The following SOX5 variants were observed in gnomAD, a reference collection of about 807,000 sequenced individuals.
SOX5 encodes the protein SRY-box transcription factor 5, also known as transcription factor SOX-5.
Under a neutral mutation model 92.0 loss-of-function variants are expected in SOX5, and 9 were observed. That is an observed-to-expected ratio of 0.10 (90% CI 0.06 to 0.17). The LOEUF is 0.17. SOX5 is among the 10% of genes least tolerant of loss of function. The pLI is 1.00. For synonymous variants in SOX5, 344 were observed against 336.3 expected (o/e 1.02, Z -0.25); for missense variants, 642 against 944.5 (o/e 0.68, Z 4.20).
intron 4 of SOX5, among the ~76,000 whole-genome samples, chr12:24,205,464 A>G: frequency 6.6e-6 from 1 of 152,216 alleles, no homozygotes; most frequent in East Asian, 1.9e-4. Flanking sequence ...AGATGAGGAA[A>G]CAAAGGCTTG....
At chr12:24,179,752 T>C (rs1346043955) in intron 4 of SOX5, among the ~76,000 whole-genome samples, 4 of 152,124 alleles carry the variant, frequency 2.6e-5, no homozygotes, top group Non-Finnish European at 5.9e-5. Context: ...GCTATGGTGT[T>C]CATAGGTTAG....
chr12:24,104,942 T>C lies in SOX5; in HGVS notation c.-2+108401A>G, dbSNP rs139741230. Among the ~76,000 whole-genome samples, 99 of 152,368 alleles carry C rather than the reference T, an allele frequency of 6.5e-4. 1 individual carries two copies. Among genetic ancestry groups the C allele is most frequent in the African/African-American group, 2.3e-3 (96 of 41,594 alleles). ...GCATATAGTCCTGTCAGGTTTGAAATATTATTTTGAATTATTCAGATCATT... is the reference window on the plus strand; with the variant it reads ...GCATATAGTCCTGTCAGGTTTGAAACATTATTTTGAATTATTCAGATCATT... On this transcript the variant is annotated intron_variant, in intron 4 of 4. Coordinates refer to the SOX5 transcript ENST00000446891.
At chr12:24,311,911 A>C (rs1184082266) in intron 2 of SOX5, among the ~76,000 whole-genome samples, 1 of 152,206 alleles carries the variant, frequency 6.6e-6, no homozygotes, top group African/African-American at 2.4e-5. Flanking sequence ...GCTTCATCCT[A>C]GGCAAATATT....
At chr12:24,485,963 G>A (rs1196199192) in intron 1 of SOX5, among the ~76,000 whole-genome samples, 1 of 152,070 alleles carries the variant, frequency 6.6e-6, no homozygotes, top group Non-Finnish European at 1.5e-5. Context: ...TGTTGTTGCT[G>A]CTGCTGCTGT....
At chr12:23,562,167 T>C (rs1337345294) in intron 11 of SOX5, among the ~76,000 whole-genome samples, 3 of 152,176 alleles carry the variant, frequency 2.0e-5, no homozygotes, top group African/African-American at 2.4e-5. Context: ...ACGTCTTATG[T>C]TGTAACACTG....
chr12:24,451,839 C>T (rs942586795), intron 1 of SOX5, among the ~76,000 whole-genome samples: 2 of 152,120 alleles, frequency 1.3e-5, no homozygotes, highest in African/African-American at 4.8e-5. Flanking sequence ...TGGCATGATG[C>T]CTGGGACGCT....
At chr12:24,152,352 C>A (rs575642624) in intron 4 of SOX5, among the ~76,000 whole-genome samples, 1 of 152,042 alleles carries the variant, frequency 6.6e-6, no homozygotes, top group African/African-American at 2.4e-5. Flanking sequence ...AGTTTTTATC[C>A]GGTAGGTTTT....
At chr12:23,688,577 C>T (rs2088094689) in intron 6 of SOX5, among the ~76,000 whole-genome samples, 1 of 152,016 alleles carries the variant, frequency 6.6e-6, no homozygotes, top group Non-Finnish European at 1.5e-5. Flanking sequence ...TCCTATGCCT[C>T]ACTTACATTC....
At chr12:24,082,776 A>T (rs541626414) in intron 4 of SOX5, among the ~76,000 whole-genome samples, 2 of 151,788 alleles carry the variant, frequency 1.3e-5, no homozygotes, top group Non-Finnish European at 2.9e-5. Flanking sequence ...TCTTTAATTC[A>T]GGTCATAGTT....
intron 6 of SOX5, among the ~76,000 whole-genome samples, chr12:23,695,809 C>T (rs547497648): frequency 1.6e-4 from 24 of 151,392 alleles, no homozygotes; most frequent in South Asian, 6.3e-4. Flanking sequence ...GGCCCGGTGG[C>T]GGGCGCCTAT....
intron 3 of SOX5, among the ~76,000 whole-genome samples, chr12:23,812,401 G>T (rs754718861): frequency 6.6e-6 from 1 of 151,930 alleles, no homozygotes; most frequent in Non-Finnish European, 1.5e-5. Context: ...GTCAAAATAT[G>T]TCTATCAGTA....
rs188250891 is a variant in SOX5, at chr12:24,190,296, C to T, written c.-2+23047G>A. Reference sequence around the variant, plus strand: ...CAAACTCCAGAATGTCACTTTTGGACGCATACATATATATGTTTAAAGATG... The same window carrying T: ...CAAACTCCAGAATGTCACTTTTGGATGCATACATATATATGTTTAAAGATG... On this transcript the variant is annotated intron_variant, in intron 4 of 4. Coordinates refer to the SOX5 transcript ENST00000446891. 1.8e-3 allele frequency among the ~76,000 whole-genome samples: 269 copies of T among 152,230 alleles called. 2 individuals are homozygous for T. The highest frequency in any genetic ancestry group is 3.2e-3 in the Non-Finnish European group (217 of 68,014).
intron 3 of SOX5, among the ~76,000 whole-genome samples, chr12:23,759,173 A>T (rs536658344): frequency 1.3e-5 from 2 of 152,016 alleles, no homozygotes; most frequent in East Asian, 3.9e-4. Context: ...CTAGGGTAAC[A>T]CATATGTATG....
intron 1 of SOX5, among the ~76,000 whole-genome samples, chr12:24,456,840 A>G (rs928989101): frequency 6.6e-6 from 1 of 152,234 alleles, no homozygotes; most frequent in Non-Finnish European, 1.5e-5. Flanking sequence ...AATAAAAATC[A>G]ACAATGCTAC....
intron 3 of SOX5, among the ~76,000 whole-genome samples, chr12:23,785,568 A>G (rs972656942): frequency 3.9e-5 from 6 of 152,234 alleles, no homozygotes; most frequent in Non-Finnish European, 1.5e-5. Context: ...ATGCATGAAC[A>G]AAATATAAAG....
intron 8 of SOX5, among the ~76,000 whole-genome samples, chr12:23,617,462 C>T (rs75562269): frequency 0.014 from 2,059 of 152,174 alleles, 50 homozygotes; most frequent in African/African-American, 0.047. Context: ...TTATTTAAAG[C>T]TGCTATCACC....
At chr12:23,846,227 T>A in intron 2 of SOX5, 34 bp from the exon 3 acceptor site, 1 of 1,492,510 alleles carries the variant, frequency 6.7e-7, no homozygotes, top group Non-Finnish European at 9.3e-7. Flanking sequence ...AATAATTGTT[T>A]ACCTGAAAGA....
At chr12:23,754,118 C>A (rs1482897440) in intron 4 of SOX5, among the ~76,000 whole-genome samples, 1 of 151,806 alleles carries the variant, frequency 6.6e-6, no homozygotes, top group Non-Finnish European at 1.5e-5. Context: ...AACTAACCCC[C>A]AAGGCAAGCC....
intron 4 of SOX5, among the ~76,000 whole-genome samples, chr12:24,209,193 TG>T (rs1241139409): frequency 1.3e-5 from 2 of 152,108 alleles, no homozygotes; most frequent in African/African-American, 4.8e-5. Flanking sequence ...GAACAGGCAA[TG>T]GGTAAGCATA....
Sources: gnomAD v4.1 joint callset for allele counts (sites outside exome capture counted in the v4.1 genomes callset) on GRCh38, gnomAD v4.1.1 for gene constraint, MANE v1.5 for transcripts, NCBI Gene and HGNC (gene_info 2026-07-23, HGNC 2026-07-21) for gene names.